Variants in HMGA2 observed in about 807,000 individuals in gnomAD.
HMGA2 encodes high mobility group protein HMGI-C.
In HMGA2, 8 loss-of-function variants were observed where a neutral mutation model predicts 19.1. The observed-to-expected ratio is 0.42, with a 90% confidence interval of 0.25 to 0.76. The LOEUF (loss-of-function observed/expected upper bound fraction) is 0.76, where lower values mean the gene tolerates loss of function less well. Among genes scored for constraint, HMGA2 ranks in the 30% least tolerant of loss-of-function variants. The probability of loss-of-function intolerance (pLI) is 0.28; values close to 1 mark genes in which losing one functional copy is unlikely to be tolerated. For missense variants in HMGA2, 109 were observed against 136.3 expected (o/e 0.80, Z 1.00); for synonymous variants, 60 against 48.8 (o/e 1.23, Z -0.96).
chr12:65,907,438 G>T (rs1874645574), intron 3 of HMGA2, among the ~76,000 whole-genome samples: 1 of 151,642 alleles, frequency 6.6e-6, no homozygotes, highest in South Asian at 2.1e-4. Flanking sequence ...AAAAGGTGGG[G>T]GGTAAAGTGC....
chr12:65,933,238 A>C (rs550510582), intron 3 of HMGA2, among the ~76,000 whole-genome samples: 1 of 152,160 alleles, frequency 6.6e-6, no homozygotes, highest in Non-Finnish European at 1.5e-5. Flanking sequence ...TGCCAAGAGT[A>C]ACCTGGGGAC....
chr12:65,923,519 G>C (rs1031627889), intron 3 of HMGA2, among the ~76,000 whole-genome samples: 1 of 152,204 alleles, frequency 6.6e-6, no homozygotes, highest in African/African-American at 2.4e-5. Flanking sequence ...GCCAGCTACA[G>C]CACTGGACCA....
At chr12:65,837,295 A>C (rs1004736163) in intron 2 of HMGA2, among the ~76,000 whole-genome samples, 1 of 152,194 alleles carries the variant, frequency 6.6e-6, no homozygotes, top group Non-Finnish European at 1.5e-5. Flanking sequence ...GGCTTATTTT[A>C]TCTCTCATCT....
chr12:65,915,553 C>T (rs1217928922), intron 3 of HMGA2: 2 of 1,103,654 alleles, frequency 1.8e-6, no homozygotes, highest in Non-Finnish European at 2.2e-6. Context: ...TCTTCAGTGC[C>T]ATGTAATATC....
chr12:65,858,359 T>C (rs913682835), intron 3 of HMGA2: 5 of 152,102 alleles, frequency 3.3e-5, no homozygotes, highest in Non-Finnish European at 5.9e-5. Context: ...AAAAGAAAAT[T>C]TGATTCAGCA....
At chr12:65,886,609 G>A (rs764037358) in intron 3 of HMGA2, among the ~76,000 whole-genome samples, 3 of 151,812 alleles carry the variant, frequency 2.0e-5, no homozygotes, top group East Asian at 2.0e-4. Context: ...TGCCCGTCTC[G>A]GCCTCCCAAA....
At chr12:65,921,328 C>G (rs576434183) in intron 3 of HMGA2, among the ~76,000 whole-genome samples, 1 of 152,140 alleles carries the variant, frequency 6.6e-6, no homozygotes, top group Non-Finnish European at 1.5e-5. Flanking sequence ...GGCAGGATCT[C>G]GGCTCACTGC....
Position 65,961,034 on chromosome 12 carries a change from C to A in HMGA2, c.283-2211C>A, listed in dbSNP as rs538074375. ...CCGGATTTGAAAGTACCTTGGTTTC[C>A]GGATAGTATAGAAAAATCAAACAGT... On this transcript the variant is annotated intron_variant, in intron 4 of 4. Transcript: ENST00000403681. Among the ~76,000 whole-genome samples, 29 of 152,164 alleles carry A rather than the reference C, an allele frequency of 1.9e-4. No individual in the cohort carries two copies. The South Asian group carries it at 5.2e-3, about 27-fold the overall frequency.
intron 3 of HMGA2, among the ~76,000 whole-genome samples, chr12:65,844,352 G>C (rs1871147813): frequency 2.6e-5 from 4 of 152,058 alleles, no homozygotes; most frequent in Admixed American, 2.6e-4. Context: ...ATTCAAAGTT[G>C]GTAAGTAATA....
At chr12:65,866,910 T>C in intron 3 of HMGA2, 1 of 457,200 alleles carries the variant, frequency 2.2e-6, no homozygotes, top group South Asian at 1.5e-5. Context: ...CCATTTTTCT[T>C]TCTGCTGCTG....
intron 3 of HMGA2, among the ~76,000 whole-genome samples, chr12:65,908,769 C>T (rs1362131491): frequency 6.6e-6 from 1 of 152,176 alleles, no homozygotes; most frequent in African/African-American, 2.4e-5. Context: ...ATAGTCAATT[C>T]ACAAACAGAC....
At chr12:65,839,086 T>G (rs1335522696) in intron 3 of HMGA2, among the ~76,000 whole-genome samples, 1 of 151,690 alleles carries the variant, frequency 6.6e-6, no homozygotes, top group Non-Finnish European at 1.5e-5. Flanking sequence ...CATGGCTTTG[T>G]TAGGAAGCAA....
intron 3 of HMGA2, among the ~76,000 whole-genome samples, chr12:65,916,442 G>T (rs1465440570): frequency 1.3e-5 from 2 of 152,116 alleles, no homozygotes; most frequent in African/African-American, 4.8e-5. Context: ...GCATTTTTCT[G>T]CATTTATTTC....
At chr12:65,916,144 C>T (rs140928221) in intron 3 of HMGA2, among the ~76,000 whole-genome samples, 2 of 152,302 alleles carry the variant, frequency 1.3e-5, no homozygotes, top group South Asian at 4.1e-4. Context: ...GTGCAGTGGA[C>T]CATTACATTT....
intron 3 of HMGA2, among the ~76,000 whole-genome samples, chr12:65,936,184 C>T (rs1052151358): frequency 1.3e-5 from 2 of 150,670 alleles, no homozygotes; most frequent in African/African-American, 2.4e-5. Context: ...GTGTTCTTTG[C>T]TCTCTCTGTA....
chr12:65,955,307 A>T (rs12809351), intron 4 of HMGA2: 1 of 151,888 alleles, frequency 6.6e-6, no homozygotes, highest in Non-Finnish European at 1.5e-5. Context: ...TTCTTTTTTT[A>T]AAAAAAGAAA....
At chr12:65,929,838 G>T (rs1203733324) in intron 3 of HMGA2, among the ~76,000 whole-genome samples, 1 of 152,116 alleles carries the variant, frequency 6.6e-6, no homozygotes, top group Non-Finnish European at 1.5e-5. Flanking sequence ...CTGGTTGTTT[G>T]CCCTTACCGA....
At chr12:65,870,529 G>A (rs534404449) in intron 3 of HMGA2, among the ~76,000 whole-genome samples, 17 of 152,008 alleles carry the variant, frequency 1.1e-4, no homozygotes, top group African/African-American at 2.2e-4. Flanking sequence ...TCAGGAGTTC[G>A]AGACCAGCCT....
chr12:65,875,715 G>C lies in HMGA2; in HGVS notation c.249+37146G>C, dbSNP rs185337348. 8.4e-3 allele frequency among the ~76,000 whole-genome samples: 1,248 copies of C among 148,536 alleles called. 7 individuals are homozygous for C. The highest frequency in any genetic ancestry group is 0.012 in the Non-Finnish European group (838 of 67,368). ...ATCCGCCTGACTCGGCCTTCCAAGGGGCTGGGATTATAGGCGTAAGCCACT... is the reference window on the plus strand; with the variant it reads ...ATCCGCCTGACTCGGCCTTCCAAGGCGCTGGGATTATAGGCGTAAGCCACT... On this transcript the variant is annotated intron_variant, in intron 3 of 4. Transcript: ENST00000403681.
Sources: allele counts gnomAD v4.1 joint callset (sites outside exome capture counted in the v4.1 genomes callset), GRCh38; gene constraint gnomAD v4.1.1; transcripts MANE v1.5; gene names NCBI Gene and HGNC (gene_info 2026-07-23, HGNC 2026-07-21).